DKK3: variants seen among roughly 807,000 people sequenced by gnomAD.
DKK3 encodes the protein dickkopf-related protein 3.
Under a neutral mutation model 33.2 loss-of-function variants are expected in DKK3, and 22 were observed. The observed-to-expected ratio is 0.66, with a 90% CI of 0.47 to 0.95. DKK3 has a LOEUF of 0.95. DKK3 is among the 40% of genes least tolerant of loss of function. The pLI, the probability that DKK3 is intolerant of heterozygous loss-of-function variation, is 0.00. For synonymous variants in DKK3, 194 were observed against 188.8 expected (o/e 1.03, Z -0.23); for missense variants, 398 against 458.4 (o/e 0.87, Z 1.20).
At chr11:11,966,291 A>C (rs1847592474) in intron 5 of DKK3, among the ~76,000 whole-genome samples, 1 of 152,184 alleles carries the variant, frequency 6.6e-6, no homozygotes, top group African/African-American at 2.4e-5. Context: ...GGTTGAGCTC[A>C]GTGGAAAATG....
chr11:11,990,127 A>G (rs1477296819), intron 3 of DKK3, among the ~76,000 whole-genome samples: 1 of 152,248 alleles, frequency 6.6e-6, no homozygotes, highest in Admixed American at 6.5e-5. Flanking sequence ...CAAAGACCCT[A>G]TGGTGAAAGT....
intron 3 of DKK3, among the ~76,000 whole-genome samples, chr11:11,974,818 C>T (rs964306274): frequency 6.6e-6 from 1 of 151,858 alleles, no homozygotes; most frequent in Non-Finnish European, 1.5e-5. Flanking sequence ...GTGGGAGGAT[C>T]GCTTGAGCCT....
intron 3 of DKK3, among the ~76,000 whole-genome samples, chr11:11,974,019 T>G (rs1250692887): frequency 6.6e-6 from 1 of 152,230 alleles, no homozygotes; most frequent in Non-Finnish European, 1.5e-5. Flanking sequence ...CAGACATTCT[T>G]GTTCACCGGA....
chr11:12,001,440 C>A (rs796066080), intron 2 of DKK3, among the ~76,000 whole-genome samples: 2 of 152,212 alleles, frequency 1.3e-5, no homozygotes, highest in Non-Finnish European at 2.9e-5. Context: ...TAATTACCTG[C>A]GCACTTGAAT....
At chr11:11,998,854 T>C (rs1294334838) in intron 2 of DKK3, 75 bp from the exon 3 acceptor site, 1 of 1,423,954 alleles carries the variant, frequency 7.0e-7, no homozygotes, top group Non-Finnish European at 9.9e-7. Flanking sequence ...TTTTGTGTTT[T>C]GTTTTCCATT....
At chr11:11,982,383 C>T (rs11022102) in intron 3 of DKK3, among the ~76,000 whole-genome samples, 20,497 of 152,092 alleles carry the variant, frequency 0.13, 1,568 homozygotes, top group East Asian at 0.29. Flanking sequence ...TTCCCCGTGG[C>T]GCTGTCTGAA....
At chr11:11,983,667 A>T (rs1012651945) in intron 3 of DKK3, among the ~76,000 whole-genome samples, 27 of 152,222 alleles carry the variant, frequency 1.8e-4, no homozygotes, top group African/African-American at 6.5e-4. Flanking sequence ...ACCGAAGATC[A>T]GCCTTGGCTG....
intron 2 of DKK3, among the ~76,000 whole-genome samples, chr11:11,999,747 A>G (rs1433805116): frequency 1.3e-5 from 2 of 152,222 alleles, no homozygotes; most frequent in Non-Finnish European, 2.9e-5. Flanking sequence ...CCAGTATGTC[A>G]CCTGGAACAA....
upstream of DKK3, chr11:12,009,253 G>T: frequency 1.0e-6 from 1 of 984,746 alleles, no homozygotes; most frequent in Non-Finnish European, 1.2e-6. Flanking sequence ...GGGTGCAGAT[G>T]CGGGAGCGGC....
chr11:12,004,742 T>G (rs1848502583), intron 1 of DKK3, among the ~76,000 whole-genome samples: 1 of 152,180 alleles, frequency 6.6e-6, no homozygotes. Flanking sequence ...AATTAAGGCA[T>G]GAAATACACT....
At chr11:12,008,729 G>A (rs1257687350), upstream of DKK3, 3 of 1,206,976 alleles carry the variant, frequency 2.5e-6, no homozygotes, top group Non-Finnish European at 3.1e-6. This position sits in a 1 kb window ranked among gnomAD's most constrained non-coding sequence, Gnocchi z 4.6. Flanking sequence ...CCCGCCCGGA[G>A]ACGGGAGGAA....
At position 12,008,439 on chromosome 11, in the gene DKK3, A is replaced by T. The variant is rs1848585327; in HGVS notation, c.144T>A (p.Asn48Lys). The change falls in exon 1 of 7, where the codon AAT (asparagine) becomes AAA (lysine). Residue 48 changes from asparagine to lysine, a missense_variant. By Grantham distance (94) the Asn-to-Lys change is moderately conservative. Coordinates refer to ENST00000683431, the MANE Select transcript of DKK3 (RefSeq NM_001018057.2). This position sits in a 1 kb window ranked among gnomAD's most constrained non-coding sequence, Gnocchi z 4.6. The stretch of plus-strand genomic sequence containing the variant: ...GTTCCTCAACCTCGCGGAACATCTC[A>T]TTGAGGGTGGCCTCCTCCTGCGGGT... ...LSYPQEEATL[N>K]EMFREVEELM... 6.2e-7 allele frequency: 1 copy of T among 1,608,484 alleles called. No homozygotes were observed. The highest frequency in any genetic ancestry group is 8.5e-7 in the Non-Finnish European group (1 of 1,177,348).
intron 3 of DKK3, among the ~76,000 whole-genome samples, chr11:11,971,359 G>C (rs572416691): frequency 4.4e-4 from 67 of 152,272 alleles, no homozygotes; most frequent in South Asian, 2.1e-3. Context: ...ACAAAAGCAG[G>C]GAAATTTTGA....
rs1237582653 is a variant in DKK3 at position 11,998,737 on chromosome 11, C to T, written c.394G>A (p.Val132Ile). Residue 132 changes from valine to isoleucine, a missense_variant, in exon 3 of 7, where the codon GTT becomes ATT. Coordinates refer to ENST00000683431, the MANE Select transcript of DKK3 (RefSeq NM_001018057.2). ...QTGQMVFSET[V>I]ITSVGDEEGR... ...TCTTCGTCTCCCACAGATGTGATAA[C>T]TGTCTCTGAAAAGACCATTTGTCCA... is the stretch of plus-strand genomic sequence containing the variant. 1.2e-6 allele frequency: 2 copies of T among 1,614,238 alleles called. No individual in the cohort carries two copies. The highest frequency in any genetic ancestry group is 1.7e-6 in the Non-Finnish European group (2 of 1,180,044).
intron 3 of DKK3, among the ~76,000 whole-genome samples, chr11:11,987,246 T>C (rs949940472): frequency 1.3e-5 from 2 of 152,190 alleles, no homozygotes; most frequent in African/African-American, 2.4e-5. Context: ...TTCTCAGCAT[T>C]AGGTGGCCCA....
At chr11:11,992,167 A>G (rs886381755) in intron 3 of DKK3, among the ~76,000 whole-genome samples, 2 of 152,238 alleles carry the variant, frequency 1.3e-5, no homozygotes, top group African/African-American at 4.8e-5. Flanking sequence ...CCTGCTATTT[A>G]CTGACTTCTT....
intron 3 of DKK3, among the ~76,000 whole-genome samples, chr11:11,985,944 T>G (rs1409298445): frequency 6.6e-6 from 1 of 152,168 alleles, no homozygotes; most frequent in Non-Finnish European, 1.5e-5. Context: ...ATGTATGTTC[T>G]TTCTGGGGAA....
intron 3 of DKK3, among the ~76,000 whole-genome samples, chr11:11,978,231 G>A (rs1847876654): frequency 1.3e-5 from 2 of 152,178 alleles, no homozygotes; most frequent in African/African-American, 4.8e-5. Context: ...TGGCCTCAAA[G>A]ACATCCATGA....
At chr11:11,984,562 G>C (rs1848023994) in intron 3 of DKK3, among the ~76,000 whole-genome samples, 1 of 151,424 alleles carries the variant, frequency 6.6e-6, no homozygotes, top group Non-Finnish European at 1.5e-5. Flanking sequence ...AAATAATTCT[G>C]CTGTATGCCC....
Sources: gnomAD v4.1 joint callset for allele counts (sites outside exome capture counted in the v4.1 genomes callset) on GRCh38, gnomAD v4.1.1 for gene constraint, Gnocchi (gnomAD v3.1) non-coding constraint, MANE v1.5 for transcripts, NCBI Gene and HGNC (gene_info 2026-07-23, HGNC 2026-07-21) for gene names.